The following HPSE2 variants were observed in gnomAD, a reference collection of about 807,000 sequenced individuals.
The protein encoded by HPSE2 is inactive heparanase-2.
Under a neutral mutation model 60.5 loss-of-function variants are expected in HPSE2, and 38 were observed. The observed-to-expected ratio is 0.63, with a 90% confidence interval of 0.48 to 0.82. The LOEUF is 0.82. HPSE2 is among the 40% of genes least tolerant of loss of function. The pLI is 0.00. For missense variants in HPSE2, 713 were observed against 740.4 expected (o/e 0.96, Z 0.43); for synonymous variants, 295 against 293.2 (o/e 1.01, Z -0.06).
At chr10:98,748,027 A>C (rs903245001) in intron 3 of HPSE2, among the ~76,000 whole-genome samples, 46 of 152,162 alleles carry the variant, frequency 3.0e-4, no homozygotes, top group Non-Finnish European at 1.5e-4. Context: ...GGCTGGGCGC[A>C]ATGGCTCACA....
At chr10:98,879,968 CCTTCAGT>C (rs1952980041) in intron 3 of HPSE2, among the ~76,000 whole-genome samples, 1 of 151,104 alleles carries the variant, frequency 6.6e-6, no homozygotes, top group African/African-American at 2.4e-5. Context: ...CATGACTTTG[CCTTCAGT>C]CTTTCACTTG....
At chr10:98,848,746 T>C (rs1952094379) in intron 3 of HPSE2, among the ~76,000 whole-genome samples, 2 of 152,216 alleles carry the variant, frequency 1.3e-5, no homozygotes, top group Admixed American at 1.3e-4. Flanking sequence ...TGCATTCCTT[T>C]AGCTTCAACA....
chr10:98,690,989 C>T (rs1948063926), intron 6 of HPSE2, among the ~76,000 whole-genome samples: 1 of 152,188 alleles, frequency 6.6e-6, no homozygotes, highest in African/African-American at 2.4e-5. Flanking sequence ...TTCTTCTGGC[C>T]ATCCATATGT....
chr10:98,802,212 A>T (rs1242730262), intron 3 of HPSE2, among the ~76,000 whole-genome samples: 1 of 152,186 alleles, frequency 6.6e-6, no homozygotes, highest in African/African-American at 2.4e-5. Context: ...TAGACCTCAA[A>T]CTATAAAACT....
chr10:98,765,098 A>T (rs1950091121), intron 3 of HPSE2, among the ~76,000 whole-genome samples: 1 of 152,204 alleles, frequency 6.6e-6, no homozygotes, highest in Admixed American at 6.5e-5. Flanking sequence ...AGACTTCAAC[A>T]CTTCTCTCTC....
intron 2 of HPSE2, among the ~76,000 whole-genome samples, chr10:99,202,024 A>C (rs1848592225): frequency 6.6e-6 from 1 of 152,200 alleles, no homozygotes; most frequent in African/African-American, 2.4e-5. Flanking sequence ...AGATCACTGG[A>C]AGAGCAAGCC....
At chr10:99,141,005 C>G (rs1845848023) in intron 3 of HPSE2, among the ~76,000 whole-genome samples, 2 of 152,118 alleles carry the variant, frequency 1.3e-5, no homozygotes, top group South Asian at 4.2e-4. Flanking sequence ...CCACTGCACT[C>G]CAGCCTGGGT....
intron 3 of HPSE2, among the ~76,000 whole-genome samples, chr10:99,014,800 CA>C (rs1220708528): frequency 6.6e-6 from 1 of 152,052 alleles, no homozygotes; most frequent in Admixed American, 6.6e-5. Context: ...GCAATGGCAA[CA>C]AAAGACAAAA....
chr10:98,724,388 T>C (rs1453828046), intron 4 of HPSE2, among the ~76,000 whole-genome samples: 1 of 152,202 alleles, frequency 6.6e-6, no homozygotes, highest in African/African-American at 2.4e-5. Flanking sequence ...CTTCCAAATA[T>C]GTGGTCAATT....
intron 6 of HPSE2, among the ~76,000 whole-genome samples, chr10:98,650,203 T>G (rs548169676): frequency 1.4e-4 from 22 of 152,294 alleles, no homozygotes; most frequent in African/African-American, 5.3e-4. Context: ...CATTGCCAGC[T>G]GAATGGAAAA....
intron 11 of HPSE2, among the ~76,000 whole-genome samples, chr10:98,468,076 A>G (rs1940624177): frequency 6.6e-6 from 1 of 152,216 alleles, no homozygotes. Context: ...TCGCTGAGCG[A>G]GGAAGCTGGT....
intron 3 of HPSE2, among the ~76,000 whole-genome samples, chr10:99,075,466 A>C (rs1171671024): frequency 6.6e-6 from 1 of 152,142 alleles, no homozygotes; most frequent in Non-Finnish European, 1.5e-5. Context: ...AGCCTGGAGA[A>C]TGTTTGGTAC....
At chr10:98,791,801 G>A (rs1006901173) in intron 3 of HPSE2, among the ~76,000 whole-genome samples, 3 of 152,152 alleles carry the variant, frequency 2.0e-5, no homozygotes, top group African/African-American at 4.8e-5. Context: ...CACAGCTAGA[G>A]AGAAACAGAG....
chr10:99,013,987 ACCG>A, intron 3 of HPSE2: 1 of 360,784 alleles, frequency 2.8e-6, no homozygotes, highest in East Asian at 9.9e-5. Context: ...AGACACCCAG[ACCG>A]CCTGGCCTCC....
At chr10:99,257,690 T>C in the HPSE2 span, among the ~76,000 whole-genome samples, 1 of 152,174 alleles carries the variant, frequency 6.6e-6, no homozygotes. Flanking sequence ...CTGCCTCCAT[T>C]TGCCTTGTGA....
intron 3 of HPSE2, among the ~76,000 whole-genome samples, chr10:98,866,205 T>C (rs1368339883): frequency 6.6e-6 from 1 of 152,060 alleles, no homozygotes; most frequent in Non-Finnish European, 1.5e-5. Context: ...TTTCTAGAGA[T>C]GAAATCTACA....
chr10:99,125,812 A>T (rs1441737657), intron 3 of HPSE2, among the ~76,000 whole-genome samples: 1 of 152,100 alleles, frequency 6.6e-6, no homozygotes, highest in Non-Finnish European at 1.5e-5. Flanking sequence ...CCTTGTAGGC[A>T]CTCCTAGTCT....
intron 3 of HPSE2, among the ~76,000 whole-genome samples, chr10:99,076,196 C>A (rs1410386952): frequency 6.8e-6 from 1 of 147,702 alleles, no homozygotes; most frequent in East Asian, 2.0e-4. Flanking sequence ...TTCTTTTTTT[C>A]TTTTGTGTAT....
At chr10:98,483,848 T>C (rs1162242323) in intron 10 of HPSE2, among the ~76,000 whole-genome samples, 2 of 152,214 alleles carry the variant, frequency 1.3e-5, no homozygotes, top group African/African-American at 4.8e-5. Context: ...TTGAAAGCCT[T>C]GGAGATTTGG....
Sources: gnomAD v4.1 joint callset for allele counts (sites outside exome capture counted in the v4.1 genomes callset) on GRCh38, gnomAD v4.1.1 for gene constraint, MANE v1.5 for transcripts, NCBI Gene and HGNC (gene_info 2026-07-23, HGNC 2026-07-21) for gene names.